Variants in CCBE1 observed in about 807,000 individuals in gnomAD.
The protein encoded by CCBE1 is collagen and calcium-binding EGF domain-containing protein 1.
A neutral mutation model predicts 50.0 loss-of-function variants in CCBE1; 37 were observed. That is an observed-to-expected ratio of 0.74 (90% confidence interval 0.57 to 0.97). CCBE1 has a LOEUF of 0.97. CCBE1 is among the 50% of genes least tolerant of loss of function. The probability of loss-of-function intolerance (pLI) is 0.00; values close to 1 mark genes in which losing one functional copy is unlikely to be tolerated. For missense variants in CCBE1, 538 were observed against 523.8 expected, an observed-to-expected ratio of 1.03 and a Z score of -0.26; for synonymous variants, 234 against 203.7, an observed-to-expected ratio of 1.15 and a Z score of -1.27.
At position 59,448,285 on chromosome 18, in the gene CCBE1, G is replaced by A. The variant is rs555571216; in HGVS notation, c.655-182C>T. On this transcript the variant is annotated intron_variant, in intron 6 of 10. Coordinates refer to ENST00000439986, the MANE Select transcript of CCBE1 (RefSeq NM_133459.4). Reference sequence around the variant, plus strand: ...TTTCTAAACCTAGAGGCATTCTAGGGCAAATAACTTGTATGACATTACTCA... The same window carrying A: ...TTTCTAAACCTAGAGGCATTCTAGGACAAATAACTTGTATGACATTACTCA... Among the ~76,000 whole-genome samples, 5 of 152,198 alleles carry A rather than the reference G, an allele frequency of 3.3e-5. No homozygotes were observed. The South Asian group carries it at 1.0e-3, about 32-fold the overall frequency.
chr18:59,515,921 TG>T (rs1414206320), intron 2 of CCBE1, among the ~76,000 whole-genome samples: 1 of 152,248 alleles, frequency 6.6e-6, no homozygotes, highest in African/African-American at 2.4e-5. Context: ...GCTGAAGAAC[TG>T]TGCTTGCCCT....
At chr18:59,630,137 G>T (rs568364458) in intron 2 of CCBE1, among the ~76,000 whole-genome samples, 24 of 152,312 alleles carry the variant, frequency 1.6e-4, no homozygotes, top group African/African-American at 4.8e-4. Flanking sequence ...GTGCGGCAAA[G>T]CTGTGACAAG....
At chr18:59,693,119 G>A (rs962928618) in intron 2 of CCBE1, among the ~76,000 whole-genome samples, 1 of 152,120 alleles carries the variant, frequency 6.6e-6, no homozygotes, top group Non-Finnish European at 1.5e-5. Context: ...GACTTTGACT[G>A]TACATTGTTC....
At chr18:59,611,566 G>A (rs1354261950) in intron 2 of CCBE1, among the ~76,000 whole-genome samples, 7 of 152,194 alleles carry the variant, frequency 4.6e-5, no homozygotes, top group East Asian at 1.9e-4. Context: ...CCAACATGGC[G>A]AAACCCCATC....
intron 2 of CCBE1, among the ~76,000 whole-genome samples, chr18:59,675,291 G>T (rs571821695): frequency 1.8e-3 from 272 of 152,264 alleles, no homozygotes; most frequent in Non-Finnish European, 3.0e-3. Flanking sequence ...AGGAATTTCT[G>T]CATTGTGTAC....
chr18:59,511,335 G>A (rs961746218), intron 2 of CCBE1, among the ~76,000 whole-genome samples: 2 of 152,206 alleles, frequency 1.3e-5, no homozygotes, highest in African/African-American at 4.8e-5. Flanking sequence ...TAACGATTAT[G>A]TTCTAGTTCT....
At chr18:59,598,416 A>C (rs1308391094) in intron 2 of CCBE1, among the ~76,000 whole-genome samples, 2 of 151,976 alleles carry the variant, frequency 1.3e-5, no homozygotes, top group Non-Finnish European at 2.9e-5. Flanking sequence ...TTACTTCCTC[A>C]CTCAGTTCTG....
intron 2 of CCBE1, among the ~76,000 whole-genome samples, chr18:59,669,219 G>GCCTTCC (rs1262751445): frequency 1.8e-4 from 28 of 152,214 alleles, no homozygotes; most frequent in African/African-American, 6.5e-4. Flanking sequence ...TCCTCCGCCA[G>GCCTTCC]CCTTCCCCTC....
intron 2 of CCBE1, among the ~76,000 whole-genome samples, chr18:59,615,090 C>T (rs977116240): frequency 6.6e-5 from 10 of 152,216 alleles, no homozygotes; most frequent in African/African-American, 2.4e-4. Flanking sequence ...TCCACCTGCC[C>T]TGTCGATGGA....
intron 2 of CCBE1, among the ~76,000 whole-genome samples, chr18:59,636,864 T>C (rs917450871): frequency 6.6e-6 from 1 of 152,210 alleles, no homozygotes; most frequent in Admixed American, 6.5e-5. Flanking sequence ...TAAGATATAA[T>C]TAAAATACTG....
At chr18:59,680,584 G>T (rs2054575061) in intron 2 of CCBE1, among the ~76,000 whole-genome samples, 1 of 151,946 alleles carries the variant, frequency 6.6e-6, no homozygotes, top group Non-Finnish European at 1.5e-5. Context: ...TGTAGTCCCA[G>T]CTACTGGGGA....
intron 2 of CCBE1, among the ~76,000 whole-genome samples, chr18:59,560,129 G>T (rs1284181299): frequency 1.3e-5 from 2 of 152,242 alleles, no homozygotes; most frequent in Non-Finnish European, 2.9e-5. Flanking sequence ...CAGCCTTTCT[G>T]GTAGCCAGAC....
chr18:59,640,968 T>TA (rs2053980620), intron 2 of CCBE1, among the ~76,000 whole-genome samples: 1 of 152,006 alleles, frequency 6.6e-6, no homozygotes, highest in South Asian at 2.1e-4. Flanking sequence ...TGGCTATCAT[T>TA]AAAAAATAAC....
chr18:59,557,831 G>A (rs1049445655), intron 2 of CCBE1, among the ~76,000 whole-genome samples: 24 of 152,200 alleles, frequency 1.6e-4, no homozygotes, highest in African/African-American at 5.3e-4. Context: ...TGCTTTGTGC[G>A]TTTTGTCCAA....
chr18:59,495,393 CTT>C (rs35872814), intron 2 of CCBE1, among the ~76,000 whole-genome samples: 8 of 82,304 alleles, frequency 9.7e-5, no homozygotes, highest in Admixed American at 4.8e-4. Context: ...TCCAGGGCCT[CTT>C]TTTTTTTTTT....
intron 3 of CCBE1, among the ~76,000 whole-genome samples, chr18:59,479,791 T>C (rs1912479959): frequency 6.6e-6 from 1 of 152,196 alleles, no homozygotes; most frequent in Non-Finnish European, 1.5e-5. Context: ...CAGGTACTGT[T>C]TGCTGATGGT....
At chr18:59,578,510 C>T (rs1282895750) in intron 2 of CCBE1, among the ~76,000 whole-genome samples, 8 of 152,176 alleles carry the variant, frequency 5.3e-5, no homozygotes, top group Non-Finnish European at 7.3e-5. Context: ...ACGTTTACTG[C>T]GGCTCTGTTC....
chr18:59,697,198 C>T lies in CCBE1; in HGVS notation c.131+14G>A. ...AGCAGGAGCTCGCCCTCCGCTGGGG[C>T]TTGCAGCGCTTACCTGTCGCCGTCC... On this transcript the variant is annotated intron_variant, in intron 1 of 10. Transcript: ENST00000439986. 2 of 1,548,324 alleles carry T rather than the reference C, an allele frequency of 1.3e-6. No individual in the cohort carries two copies. Among genetic ancestry groups the T allele is most frequent in the Middle Eastern group, 2.1e-4 (1 of 4,780 alleles).
In CCBE1 at chr18:59,487,398, C is replaced by G. The variant is rs1403410987; in HGVS notation, c.213-7160G>C. On this transcript the variant is annotated intron_variant, in intron 2 of 10. Coordinates refer to ENST00000439986, the MANE Select transcript of CCBE1 (RefSeq NM_133459.4). ...AGGAATCTTTCTTTTCAATGTTCTT[C>G]CCTTGCTGAAATCTTTATTGAGCTT... 2.6e-5 allele frequency among the ~76,000 whole-genome samples: 4 copies of G among 152,202 alleles called. No homozygotes were observed. In the East Asian group the frequency reaches 7.7e-4, roughly 29 times the overall value.
Sources: allele counts gnomAD v4.1 joint callset (sites outside exome capture counted in the v4.1 genomes callset), GRCh38; gene constraint gnomAD v4.1.1; transcripts MANE v1.5; gene names NCBI Gene and HGNC (gene_info 2026-07-23, HGNC 2026-07-21).